Variants in BRAP observed in about 807,000 individuals in gnomAD.
The protein encoded by BRAP is BRCA1 associated protein.
In BRAP, 42 loss-of-function variants were observed where a neutral mutation model predicts 73.4. The observed-to-expected ratio is 0.57, with a 90% CI of 0.45 to 0.74. The LOEUF is 0.74. Among genes scored for constraint, BRAP ranks in the 30% least tolerant of loss-of-function variants. BRAP has a pLI of 0.00. For missense variants in BRAP, 593 were observed against 751.4 expected (o/e 0.79, Z 2.46); for synonymous variants, 255 against 267.4 (o/e 0.95, Z 0.45).
intron 9 of BRAP, among the ~76,000 whole-genome samples, chr12:111,658,266 A>C (rs1177450966): frequency 6.6e-6 from 1 of 151,810 alleles, no homozygotes; most frequent in Non-Finnish European, 1.5e-5. Flanking sequence ...AAACAGAATA[A>C]AAATATTTTA....
chr12:111,672,245 A>G (rs952599113), intron 5 of BRAP, among the ~76,000 whole-genome samples: 4 of 152,222 alleles, frequency 2.6e-5, no homozygotes, highest in African/African-American at 9.7e-5. Context: ...GTTAATATTG[A>G]AAACAAAAAC....
intron 1 of BRAP, chr12:111,685,473 A>G: frequency 1.2e-5 from 11 of 925,592 alleles, no homozygotes; most frequent in South Asian, 5.4e-5. Flanking sequence ...CGCGCCAGGT[A>G]TAAACTAAAT....
Position 111,659,359 on chromosome 12 carries a change from T to C in BRAP, c.973-14A>G. 6.2e-7 allele frequency: 1 copy of C among 1,608,096 alleles called. No individual in the cohort carries two copies. Among genetic ancestry groups the C allele is most frequent in the Middle Eastern group, 1.7e-4 (1 of 6,014 alleles). ...AATCCAAAGATTCTGCCGGAAGAGG[T>C]AAGATCTTAATTAGTTAAATAAAAA... On this transcript the variant is annotated splice_polypyrimidine_tract_variant and intron_variant, in intron 7 of 11. Transcript: ENST00000419234.
intron 4 of BRAP, among the ~76,000 whole-genome samples, chr12:111,675,003 T>C (rs1439641437): frequency 2.6e-5 from 4 of 152,170 alleles, no homozygotes; most frequent in Non-Finnish European, 4.4e-5. Context: ...GGATAAGGCA[T>C]GTGACCAAAA....
chr12:111,662,481 C>T (rs1206901960), intron 6 of BRAP, among the ~76,000 whole-genome samples: 1 of 151,720 alleles, frequency 6.6e-6, no homozygotes, highest in Non-Finnish European at 1.5e-5. Flanking sequence ...ACCCAGGAGG[C>T]AGAGGTTGTG....
chr12:111,656,993 C>A (rs1886560366), intron 9 of BRAP, among the ~76,000 whole-genome samples: 1 of 152,120 alleles, frequency 6.6e-6, no homozygotes. Flanking sequence ...CAAGCCTTGC[C>A]CTCCTGAAGT....
intron 5 of BRAP, among the ~76,000 whole-genome samples, chr12:111,666,081 A>C (rs1447813367): frequency 6.6e-6 from 1 of 152,190 alleles, no homozygotes; most frequent in African/African-American, 2.4e-5. Context: ...CATTACTCTA[A>C]GCAAGTAATT....
At chr12:111,674,862 C>G (rs1025700109) in intron 4 of BRAP, among the ~76,000 whole-genome samples, 1 of 152,134 alleles carries the variant, frequency 6.6e-6, no homozygotes, top group African/African-American at 2.4e-5. Context: ...CAGGAGAAAA[C>G]GGACTGCCTG....
At chr12:111,685,609 A>C (rs1593005150) in intron 1 of BRAP, 102 bp downstream of exon 1, 1 of 1,418,546 alleles carries the variant, frequency 7.0e-7, no homozygotes, top group Non-Finnish European at 9.2e-7. Context: ...TTCCTGGGCA[A>C]CAGCCCTCGC....
At chr12:111,675,006 G>C (rs1247737619) in intron 4 of BRAP, among the ~76,000 whole-genome samples, 2 of 152,146 alleles carry the variant, frequency 1.3e-5, no homozygotes, top group African/African-American at 4.8e-5. Context: ...TAAGGCATGT[G>C]ACCAAAACCA....
chr12:111,678,145 C>T (rs1050543280), intron 4 of BRAP, among the ~76,000 whole-genome samples: 8 of 148,472 alleles, frequency 5.4e-5, no homozygotes, highest in Non-Finnish European at 6.0e-5. Context: ...CCAGCTACTC[C>T]GGAGGCTGAG....
chr12:111,655,526 A>G (rs369476666), intron 10 of BRAP, 40 bp downstream of exon 10: 1 of 1,519,986 alleles, frequency 6.6e-7, no homozygotes, highest in Non-Finnish European at 9.1e-7. Flanking sequence ...GTGCCCTGCC[A>G]TGTGTCATTT....
intron 2 of BRAP, among the ~76,000 whole-genome samples, chr12:111,682,314 A>G (rs1261190687): frequency 1.3e-5 from 2 of 151,888 alleles, no homozygotes; most frequent in Admixed American, 1.3e-4. Context: ...CCTGGCTCAC[A>G]TGGTGAAACC....
Position 111,658,738 on chromosome 12 carries a change from C to T in BRAP, c.1219G>A (p.Glu407Lys). 1 of 1,569,382 alleles carries T rather than the reference C, an allele frequency of 6.4e-7. No homozygotes were observed. Among genetic ancestry groups the T allele is most frequent in the Non-Finnish European group, 8.8e-7 (1 of 1,139,814 alleles). The change falls in exon 9 of 12, where the codon GAG becomes AAG. Residue 407 changes from glutamate (E) to lysine (K), a missense_variant and splice_region_variant. This residue lies in a region of BRAP where 143 missense variants were observed against 190.4 expected (regional missense o/e 0.75). Coordinates refer to ENST00000419234, the MANE Select transcript of BRAP (RefSeq NM_006768.5). ...QEEKIDALQLEYSYLLTSQLE... is the reference protein window; with the variant it reads ...QEEKIDALQLKYSYLLTSQLE... ...TGATAACTCATTAAATCTCTTACCT[C>T]TAACTGTAAGGCATCTATTTTCTCT...
intron 4 of BRAP, among the ~76,000 whole-genome samples, chr12:111,678,278 G>C (rs1012181298): frequency 5.4e-5 from 8 of 148,928 alleles, no homozygotes; most frequent in African/African-American, 2.0e-4. Context: ...AATGAAAGAA[G>C]TGGGGGTAAT....
intron 8 of BRAP, 144 bp downstream of exon 8, chr12:111,659,063 T>C (rs540058679): frequency 9.0e-6 from 9 of 1,000,606 alleles, no homozygotes; most frequent in Middle Eastern, 3.2e-4. Flanking sequence ...CCTAGAAAAA[T>C]AGTGCCCTCA....
intron 5 of BRAP, among the ~76,000 whole-genome samples, chr12:111,666,810 G>T (rs1332546489): frequency 6.6e-6 from 1 of 152,178 alleles, no homozygotes; most frequent in Admixed American, 6.6e-5. Context: ...TCCCTGAAGA[G>T]TAGATACTTA....
At chr12:111,679,083 C>T (rs1269011454) in intron 4 of BRAP, 68 bp downstream of exon 4, 1 of 1,162,576 alleles carries the variant, frequency 8.6e-7, no homozygotes, top group Non-Finnish European at 1.2e-6. Flanking sequence ...TCACACACAG[C>T]TATCATACAG....
At chr12:111,683,600 G>A (rs1887686716) in intron 1 of BRAP, among the ~76,000 whole-genome samples, 1 of 152,112 alleles carries the variant, frequency 6.6e-6, no homozygotes, top group African/African-American at 2.4e-5. Context: ...GAGTGCAGTG[G>A]TGTGATCTTG....
Sources: allele counts gnomAD v4.1 joint callset (sites outside exome capture counted in the v4.1 genomes callset), GRCh38; gene constraint gnomAD v4.1.1; regional missense constraint gnomAD v4.1.1; transcripts MANE v1.5; gene names NCBI Gene and HGNC (gene_info 2026-07-23, HGNC 2026-07-21).